NXPE4: variants seen among roughly 807,000 people sequenced by gnomAD.
NXPE4 encodes the protein neurexophilin and PC-esterase domain family member 4.
A neutral mutation model predicts 33.3 loss-of-function variants in NXPE4; 42 were observed. The observed-to-expected ratio is 1.26, with a 90% confidence interval of 0.98 to 1.63. The LOEUF (loss-of-function observed/expected upper bound fraction) is 1.63, where lower values mean the gene tolerates loss of function less well. Ranked by LOEUF, NXPE4 falls within the 40% of genes most tolerant of loss-of-function variation. The pLI is 0.00. For missense variants in NXPE4, 709 were observed against 647.6 expected (o/e 1.09, Z -1.03); for synonymous variants, 253 against 234.9 (o/e 1.08, Z -0.71).
chr11:114,582,573 A>T lies in NXPE4; in HGVS notation c.545T>A (p.Ile182Asn), dbSNP rs1949174970. Residue 182 changes from isoleucine to asparagine, a missense_variant, in exon 3 of 6, where the codon ATC becomes AAC. Physicochemically the swap from Ile to Asn is moderately radical, Grantham distance 149 (BLOSUM62 -3). Coordinates refer to ENST00000375478, the MANE Select transcript of NXPE4 (RefSeq NM_001077639.2). ...EGQVSLSLLL[I>N]HPSEGVSALW... ...AGCTGACACCCCTTCACTGGGGTGGATGAGCAGCAGAGACAGAGAGACCTG... is the reference window on the plus strand; with the variant it reads ...AGCTGACACCCCTTCACTGGGGTGGTTGAGCAGCAGAGACAGAGAGACCTG... The T allele has an allele frequency of 8.1e-6, 13 of 1,614,066 alleles. No individual in the cohort carries two copies. Among genetic ancestry groups the T allele is most frequent in the African/African-American group, 2.7e-5 (2 of 74,950 alleles).
the NXPE4 span, among the ~76,000 whole-genome samples, chr11:114,650,804 AG>A: frequency 6.6e-6 from 1 of 151,974 alleles, no homozygotes; most frequent in African/African-American, 2.4e-5. Flanking sequence ...TCTAAGTTCC[AG>A]GTACTTGCCA....
chr11:114,628,087 C>T, the NXPE4 span, among the ~76,000 whole-genome samples: 1 of 148,690 alleles, frequency 6.7e-6, no homozygotes, highest in African/African-American at 2.5e-5. Flanking sequence ...TTTAACACCC[C>T]ACTGTCAACA....
chr11:114,588,055 A>T lies in NXPE4; in HGVS notation c.97-5034T>A, dbSNP rs113729893. Among the ~76,000 whole-genome samples the T allele has an allele frequency of 1.8e-3, 274 of 152,296 alleles. 1 individual carries two copies. The highest frequency in any genetic ancestry group is 6.3e-3 in the African/African-American group (263 of 41,558). ...ACCCAGAACTTTGCAAGCATTGCAC[A>T]ATCAGCTCAGCTCTTTCAGCAGTCA... On this transcript the variant is annotated intron_variant, in intron 2 of 5. Transcript: ENST00000375478.
At chr11:114,573,354 T>C (rs931108029) in intron 5 of NXPE4, among the ~76,000 whole-genome samples, 9 of 152,130 alleles carry the variant, frequency 5.9e-5, no homozygotes, top group African/African-American at 2.2e-4. Context: ...TAGTATCTTA[T>C]ATCTCAATGC....
chr11:114,592,514 AACACACACACACACACTC>A (rs1475189350), intron 2 of NXPE4, among the ~76,000 whole-genome samples: 2 of 150,968 alleles, frequency 1.3e-5, no homozygotes, highest in South Asian at 2.1e-4. Context: ...GAAATTGGAG[AACACACACACACACACTC>A]ACACACACAC....
chr11:114,598,961 C>T (rs1338951190), upstream of NXPE4, among the ~76,000 whole-genome samples: 1 of 152,190 alleles, frequency 6.6e-6, no homozygotes, highest in Non-Finnish European at 1.5e-5. Context: ...TTCCTGAATT[C>T]CTCCACTGAA....
chr11:114,635,260 CTGTT>C, the NXPE4 span, among the ~76,000 whole-genome samples: 6 of 149,910 alleles, frequency 4.0e-5, no homozygotes, highest in Non-Finnish European at 8.9e-5. Context: ...ATTTGGCTCT[CTGTT>C]TGTCTGTTGT....
At chr11:114,602,414 A>G in the NXPE4 span, among the ~76,000 whole-genome samples, 1 of 132,674 alleles carries the variant, frequency 7.5e-6, no homozygotes, top group Non-Finnish European at 1.5e-5. Context: ...ACACTATTGA[A>G]CATATCAATA....
the NXPE4 span, among the ~76,000 whole-genome samples, chr11:114,672,309 AGAACAATCCC>A: frequency 6.6e-6 from 1 of 152,034 alleles, no homozygotes; most frequent in Non-Finnish European, 1.5e-5. Context: ...GTTAATTGCT[AGAACAATCCC>A]TAAATTTTTT....
chr11:114,648,523 C>G, the NXPE4 span, among the ~76,000 whole-genome samples: 1 of 152,154 alleles, frequency 6.6e-6, no homozygotes, highest in African/African-American at 2.4e-5. Flanking sequence ...AAACGTTAAT[C>G]TACCAAAAAA....
upstream of NXPE4, among the ~76,000 whole-genome samples, chr11:114,600,162 T>G (rs1949620924): frequency 6.6e-6 from 1 of 152,144 alleles, no homozygotes; most frequent in South Asian, 2.1e-4. Flanking sequence ...CACCAATATA[T>G]TTATAATTTC....
In NXPE4 at chr11:114,580,251, G is replaced by T. The variant is rs775423346; in HGVS notation, c.980C>A (p.Pro327His). ...SGHVWRNTWN[P>H]VSCSLATVKM... is the part of the protein sequence containing the mutation. ...GACTGTAGCCAAACTACAGGAGACA[G>T]GATTCCATGTGTTTCTCCAGACATG... The change falls in exon 5 of 6, where the codon CCT (proline) becomes CAT (histidine). Residue 327 changes from proline to histidine, a missense_variant. Transcript: ENST00000375478. 1 of 1,613,998 alleles carries T rather than the reference G, an allele frequency of 6.2e-7. No individual in the cohort carries two copies. Among genetic ancestry groups the T allele is most frequent in the Non-Finnish European group, 8.5e-7 (1 of 1,179,906 alleles).
chr11:114,599,148 C>T (rs1171927391), upstream of NXPE4, among the ~76,000 whole-genome samples: 2 of 152,104 alleles, frequency 1.3e-5, no homozygotes, highest in African/African-American at 4.8e-5. Context: ...AAATTTCTTC[C>T]CCCAGATACC....
chr11:114,580,432 G>GATAGA, intron 4 of NXPE4, 94 bp from the exon 5 acceptor site: 4 of 997,014 alleles, frequency 4.0e-6, no homozygotes, highest in Non-Finnish European at 6.2e-6. Context: ...ATCCTAAGAG[G>GATAGA]GGGTAAGGTG....
At chr11:114,595,209 C>T (rs2135304486) in intron 1 of NXPE4, among the ~76,000 whole-genome samples, 1 of 152,248 alleles carries the variant, frequency 6.6e-6, no homozygotes, top group Admixed American at 6.5e-5. Flanking sequence ...TTTTCTGTTT[C>T]ATTAATGCCA....
the NXPE4 span, among the ~76,000 whole-genome samples, chr11:114,654,302 G>A: frequency 2.0e-5 from 3 of 151,994 alleles, no homozygotes; most frequent in Non-Finnish European, 4.4e-5. Flanking sequence ...TCAAGCTACC[G>A]GATCTCAGGA....
chr11:114,626,889 T>C, the NXPE4 span, among the ~76,000 whole-genome samples: 1 of 151,864 alleles, frequency 6.6e-6, no homozygotes, highest in Non-Finnish European at 1.5e-5. Flanking sequence ...CCTCAGGAGC[T>C]GATGCGATCA....
At chr11:114,634,266 G>A in the NXPE4 span, among the ~76,000 whole-genome samples, 35 of 151,484 alleles carry the variant, frequency 2.3e-4, no homozygotes, top group Non-Finnish European at 3.2e-4. Flanking sequence ...GTCTTCTTTT[G>A]AGAAGTGTCT....
chr11:114,648,772 G>A, the NXPE4 span, among the ~76,000 whole-genome samples: 1 of 152,092 alleles, frequency 6.6e-6, no homozygotes, highest in African/African-American at 2.4e-5. Flanking sequence ...CTCCAGAAAA[G>A]GAGATAAAGT....
Sources: gnomAD v4.1 joint callset for allele counts (sites outside exome capture counted in the v4.1 genomes callset) on GRCh38, gnomAD v4.1.1 for gene constraint, MANE v1.5 for transcripts, NCBI Gene and HGNC (gene_info 2026-07-23, HGNC 2026-07-21) for gene names.